Variants in POLR3G observed in about 807,000 individuals in gnomAD.
POLR3G encodes the protein RNA polymerase III subunit G.
In POLR3G, 28 loss-of-function variants were observed where a neutral mutation model predicts 30.1. The ratio of observed to expected loss-of-function variants is 0.93; its 90% CI spans 0.69 to 1.27. POLR3G has a LOEUF of 1.27. Among genes scored for constraint, POLR3G ranks in the 50% most tolerant of loss-of-function variants. The pLI, the probability that POLR3G is intolerant of heterozygous loss-of-function variation, is 0.00. For synonymous variants in POLR3G, 79 were observed against 82.5 expected (o/e 0.96, Z 0.23); for missense variants, 254 against 264.6 (o/e 0.96, Z 0.28).
intron 5 of POLR3G, 34 bp downstream of exon 5, chr5:90,497,740 GA>G (rs764783168): frequency 1.3e-6 from 2 of 1,574,546 alleles, no homozygotes; most frequent in South Asian, 2.4e-5. Flanking sequence ...ATTCAGGTAG[GA>G]AAAGGTTATT....
At chr5:90,507,953 CT>C (rs1388886700) in intron 7 of POLR3G, among the ~76,000 whole-genome samples, 5 of 152,058 alleles carry the variant, frequency 3.3e-5, no homozygotes, top group African/African-American at 1.2e-4. Flanking sequence ...CCTTCATCTT[CT>C]TTTTTGCCAT....
chr5:90,498,738 C>G (rs936159270), intron 5 of POLR3G, among the ~76,000 whole-genome samples: 5 of 152,214 alleles, frequency 3.3e-5, no homozygotes, highest in Middle Eastern at 3.4e-3. Context: ...TAGAAGAATG[C>G]CAAAGTGAAT....
chr5:90,483,217 G>A (rs995192034), intron 1 of POLR3G, among the ~76,000 whole-genome samples: 7 of 151,132 alleles, frequency 4.6e-5, no homozygotes, highest in Non-Finnish European at 7.4e-5. Flanking sequence ...ATAAAACTCC[G>A]GTCTCCCGCA....
At chr5:90,485,230 T>C (rs1356538809) in intron 1 of POLR3G, among the ~76,000 whole-genome samples, 1 of 152,214 alleles carries the variant, frequency 6.6e-6, no homozygotes, top group Non-Finnish European at 1.5e-5. Context: ...CCACTTTTTA[T>C]GTACATTACA....
At chr5:90,503,876 A>G (rs1752364570) in intron 6 of POLR3G, among the ~76,000 whole-genome samples, 1 of 152,206 alleles carries the variant, frequency 6.6e-6, no homozygotes. Context: ...AAGGCTGTAT[A>G]ATATTTAAAC....
chr5:90,478,628 G>A (rs925000332), intron 1 of POLR3G, among the ~76,000 whole-genome samples: 13 of 139,590 alleles, frequency 9.3e-5, no homozygotes, highest in African/African-American at 3.2e-4. Flanking sequence ...GAGTGCAGCG[G>A]CGCAAGCAAC....
At chr5:90,491,722 A>G (rs925948338) in intron 3 of POLR3G, among the ~76,000 whole-genome samples, 1 of 151,960 alleles carries the variant, frequency 6.6e-6, no homozygotes, top group African/African-American at 2.4e-5. Flanking sequence ...GAGTGATCTT[A>G]TTTTTTCTCT....
intron 1 of POLR3G, among the ~76,000 whole-genome samples, chr5:90,476,374 T>C (rs752220557): frequency 9.2e-5 from 14 of 152,202 alleles, no homozygotes; most frequent in Non-Finnish European, 1.9e-4. Flanking sequence ...ATAATGTCTG[T>C]ACACAATTAC....
intron 5 of POLR3G, among the ~76,000 whole-genome samples, chr5:90,500,036 AAT>A (rs1409745957): frequency 1.1e-4 from 17 of 152,164 alleles, no homozygotes; most frequent in Non-Finnish European, 1.8e-4. Flanking sequence ...AATGTTTTCA[AAT>A]ATGTTATCCC....
In POLR3G at chr5:90,477,691, G is replaced by A. The variant is rs953319031; in HGVS notation, c.-44+2671G>A. 2.6e-5 allele frequency among the ~76,000 whole-genome samples: 4 copies of A among 152,236 alleles called. No individual in the cohort carries two copies. In the South Asian group the frequency reaches 8.3e-4, roughly 32 times the overall value. The stretch of plus-strand genomic sequence containing the variant: ...TTGTGCATTTATTCATGGAGCTGAC[G>A]TTGTTACTGGTGGAGGGTGTCCAGG... On this transcript the variant is annotated intron_variant, in intron 1 of 7. Transcript: ENST00000651687.
intron 7 of POLR3G, among the ~76,000 whole-genome samples, chr5:90,507,589 C>A (rs893759735): frequency 4.6e-5 from 7 of 152,080 alleles, no homozygotes; most frequent in African/African-American, 1.7e-4. Context: ...TACTTCTGTT[C>A]TCTGTTCCAT....
At chr5:90,509,846 T>C (rs1752653772) in intron 7 of POLR3G, among the ~76,000 whole-genome samples, 1 of 152,138 alleles carries the variant, frequency 6.6e-6, no homozygotes, top group African/African-American at 2.4e-5. Flanking sequence ...GCTGAGAAAT[T>C]TGACTTTATC....
intron 1 of POLR3G, among the ~76,000 whole-genome samples, chr5:90,478,621 T>C (rs192887494): frequency 0.013 from 1,737 of 138,524 alleles, 18 homozygotes; most frequent in Middle Eastern, 0.019. Flanking sequence ...TAGGCTGGAG[T>C]GCAGCGGCGC....
intron 1 of POLR3G, among the ~76,000 whole-genome samples, chr5:90,482,475 C>T (rs1580194857): frequency 2.6e-5 from 4 of 152,176 alleles, no homozygotes; most frequent in African/African-American, 7.2e-5. Flanking sequence ...TGGTTTGAAA[C>T]AAAGACGATA....
At chr5:90,498,684 CA>C (rs1752105909) in intron 5 of POLR3G, among the ~76,000 whole-genome samples, 1 of 152,162 alleles carries the variant, frequency 6.6e-6, no homozygotes, top group Admixed American at 6.5e-5. Context: ...TTAACTAAAA[CA>C]TTTTAAAATT....
rs1191970657 is a variant in POLR3G, at chr5:90,488,019, T to A, written c.137T>A (p.Val46Glu). Residue 46 changes from valine to glutamate, a missense_variant, in exon 3 of 8, where the codon GTG (valine) becomes GAG (glutamate). Transcript: ENST00000651687. ...AAACAGGATACAGATTATAAACCAGTGCCACTGAAAACAGGAGAAGGTGAA... is the reference window on the plus strand; with the variant it reads ...AAACAGGATACAGATTATAAACCAGAGCCACTGAAAACAGGAGAAGGTGAA... ...PLFPDTDYKP[V>E]PLKTGEGEEY... 1.8e-5 allele frequency: 29 copies of A among 1,602,354 alleles called. No individual in the cohort carries two copies. The highest frequency in any genetic ancestry group is 2.2e-5 in the Non-Finnish European group (26 of 1,175,924).
At position 90,501,730 on chromosome 5, in the gene POLR3G, T is replaced by C. The variant is rs58073987; in HGVS notation, c.356-176T>C. On this transcript the variant is annotated intron_variant, in intron 5 of 7. Coordinates refer to ENST00000651687, the MANE Select transcript of POLR3G (RefSeq NM_006467.3). ...CGTGATTATCATTTATTCATCATCA[T>C]TGGAAAATTGGTGAGGTATGATTTG... 5.5e-3 allele frequency among the ~76,000 whole-genome samples: 842 copies of C among 152,314 alleles called. 10 individuals carry two copies. The highest frequency in any genetic ancestry group is 0.019 in the African/African-American group (796 of 41,570).
chr5:90,488,455 T>G (rs1030210183), intron 3 of POLR3G, among the ~76,000 whole-genome samples: 2 of 152,156 alleles, frequency 1.3e-5, no homozygotes, highest in Non-Finnish European at 1.5e-5. Flanking sequence ...TTTTTTCTTA[T>G]GCATGTATAT....
intron 1 of POLR3G, 53 bp from the exon 2 acceptor site, chr5:90,485,472 A>G: frequency 1.1e-6 from 1 of 894,848 alleles, no homozygotes; most frequent in Non-Finnish European, 1.8e-6. Flanking sequence ...ATTTTGCTTT[A>G]AAGTGTTGAT....
Sources: allele counts gnomAD v4.1 joint callset (sites outside exome capture counted in the v4.1 genomes callset), GRCh38; gene constraint gnomAD v4.1.1; transcripts MANE v1.5; gene names NCBI Gene and HGNC (gene_info 2026-07-23, HGNC 2026-07-21).